Variants in EIPR1 observed in about 807,000 individuals in gnomAD.
EIPR1 encodes the protein EARP and GARP complex-interacting protein 1.
EIPR1 carries 25 observed loss-of-function variants against 48.1 expected under a neutral mutation model. The observed-to-expected ratio is 0.52, with a 90% CI of 0.38 to 0.73. The LOEUF is 0.73. EIPR1 is among the 30% of genes least tolerant of loss of function. The probability of loss-of-function intolerance (pLI) is 0.00; values close to 1 mark genes in which losing one functional copy is unlikely to be tolerated. For synonymous variants in EIPR1, 204 were observed against 201.9 expected (o/e 1.01, Z -0.09); for missense variants, 415 against 506.2 (o/e 0.82, Z 1.73).
intron 3 of EIPR1, chr2:3,319,378 A>G (rs1042460506): frequency 7.7e-5 from 14 of 181,830 alleles, no homozygotes; most frequent in Non-Finnish European, 1.3e-4. Flanking sequence ...GATCATTCCC[A>G]GAAAGCGCCG....
intron 1 of EIPR1, among the ~76,000 whole-genome samples, chr2:3,371,247 A>G (rs1428139462): frequency 6.6e-6 from 1 of 152,234 alleles, no homozygotes; most frequent in Non-Finnish European, 1.5e-5. Flanking sequence ...AGCACTAAAC[A>G]TGGAAAGGCA....
At chr2:3,243,210 G>C (rs1057204786) in intron 4 of EIPR1, among the ~76,000 whole-genome samples, 1 of 152,180 alleles carries the variant, frequency 6.6e-6, no homozygotes, top group African/African-American at 2.4e-5. Flanking sequence ...TGCACATGAG[G>C]GGAATGGCTT....
chr2:3,307,796 G>T (rs922917026), intron 3 of EIPR1, among the ~76,000 whole-genome samples: 9 of 152,168 alleles, frequency 5.9e-5, no homozygotes, highest in Non-Finnish European at 1.2e-4. Context: ...GAAAATTAGA[G>T]TTAACAAAAC....
chr2:3,194,376 T>G, intron 6 of EIPR1: 1 of 487,564 alleles, frequency 2.1e-6, no homozygotes, highest in Non-Finnish European at 3.6e-6. Flanking sequence ...CGCTCATCTC[T>G]CCAGAAGCGT....
rs1399172455 is a variant in EIPR1, at chr2:3,336,961, G to GGAAGGGAAGGGAAGA, written c.259+1055_259+1056insTCTTCCCTTCCCTTC. ...AAGGGAAGGGAAGGGAAGAGAAAAG[G>GGAAGGGAAGGGAAGA]GAAAGGAAGGGAAAAGGGAAGGGAA... On this transcript the variant is annotated intron_variant, in intron 3 of 8. Coordinates refer to ENST00000382125, the MANE Select transcript of EIPR1 (RefSeq NM_003310.5). 4.7e-4 allele frequency among the ~76,000 whole-genome samples: 64 copies of GGAAGGGAAGGGAAGA among 135,088 alleles called. 1 individual carries two copies. Among genetic ancestry groups the GGAAGGGAAGGGAAGA allele is most frequent in the African/African-American group, 1.8e-3 (61 of 34,378 alleles). The allele number at this position is 135,088 out of a possible 152,430, so 88.6% of individuals were successfully genotyped here. A position where few individuals can be genotyped will look rare whatever the true frequency, so the allele number is the denominator to read the frequency against.
chr2:3,236,635 T>C (rs1003749604), intron 4 of EIPR1, among the ~76,000 whole-genome samples: 3 of 152,216 alleles, frequency 2.0e-5, no homozygotes, highest in African/African-American at 7.2e-5. Flanking sequence ...AGCTTCACTG[T>C]AGGTGGCACC....
chr2:3,290,348 A>C (rs1668328883), intron 3 of EIPR1, among the ~76,000 whole-genome samples: 1 of 152,190 alleles, frequency 6.6e-6, no homozygotes, highest in African/African-American at 2.4e-5. Context: ...TTAAATACAA[A>C]AGAATACAAA....
intron 3 of EIPR1, among the ~76,000 whole-genome samples, chr2:3,260,606 T>C (rs1018872120): frequency 6.6e-6 from 1 of 151,972 alleles, no homozygotes; most frequent in African/African-American, 2.4e-5. Flanking sequence ...GGGGGAGATA[T>C]TTATAATACA....
At chr2:3,208,917 G>C in intron 5 of EIPR1, 1 of 1,544,826 alleles carries the variant, frequency 6.5e-7, no homozygotes, top group Non-Finnish European at 8.7e-7. Context: ...GGCACACACA[G>C]GGTCCGTGCA....
chr2:3,256,554 G>A (rs143258490), intron 4 of EIPR1, among the ~76,000 whole-genome samples: 3 of 152,324 alleles, frequency 2.0e-5, no homozygotes, highest in Non-Finnish European at 4.4e-5. Context: ...AGAAGTCACT[G>A]TACAAACGAT....
chr2:3,217,174 G>A (rs1665667613), intron 4 of EIPR1, among the ~76,000 whole-genome samples: 1 of 152,188 alleles, frequency 6.6e-6, no homozygotes, highest in African/African-American at 2.4e-5. Flanking sequence ...AATAGATTGG[G>A]GAGAAGGAAG....
intron 2 of EIPR1, among the ~76,000 whole-genome samples, chr2:3,341,577 G>C (rs1670250230): frequency 1.3e-5 from 2 of 151,828 alleles, no homozygotes; most frequent in South Asian, 4.2e-4. Flanking sequence ...TGAGGCAGGT[G>C]CAGGTGTGTA....
At chr2:3,299,243 C>T (rs1668689557) in intron 3 of EIPR1, among the ~76,000 whole-genome samples, 3 of 152,312 alleles carry the variant, frequency 2.0e-5, no homozygotes, top group East Asian at 1.9e-4. Flanking sequence ...GGACTGCCCC[C>T]TGTCCTGGAG....
intron 3 of EIPR1, among the ~76,000 whole-genome samples, chr2:3,310,222 A>T (rs1669080987): frequency 6.6e-6 from 1 of 152,198 alleles, no homozygotes; most frequent in African/African-American, 2.4e-5. Context: ...ACTACAGCAA[A>T]TAGCTATCCG....
chr2:3,318,802 C>T (rs1669398421), intron 3 of EIPR1: 1 of 466,136 alleles, frequency 2.1e-6, no homozygotes, highest in Non-Finnish European at 4.5e-6. Flanking sequence ...GATCGCCACA[C>T]ATGCACCCCA....
chr2:3,258,829 GA>G (rs955085513), intron 3 of EIPR1, among the ~76,000 whole-genome samples: 1 of 151,760 alleles, frequency 6.6e-6, no homozygotes. Context: ...ATGGCTTAAA[GA>G]AAAAAAACTC....
At chr2:3,231,659 AGC>A (rs1666247527) in intron 4 of EIPR1, among the ~76,000 whole-genome samples, 1 of 152,304 alleles carries the variant, frequency 6.6e-6, no homozygotes, top group Non-Finnish European at 1.5e-5. Context: ...GGTATATTGA[AGC>A]ATCCTTGCAT....
chr2:3,355,872 A>G (rs1553305344), intron 1 of EIPR1, among the ~76,000 whole-genome samples: 2 of 150,020 alleles, frequency 1.3e-5, no homozygotes, highest in Non-Finnish European at 3.0e-5. Context: ...CAGTCATACA[A>G]TAAAACAAAA....
chr2:3,266,119 G>A (rs891078391), intron 3 of EIPR1, among the ~76,000 whole-genome samples: 11 of 152,228 alleles, frequency 7.2e-5, no homozygotes, highest in African/African-American at 2.4e-4. Flanking sequence ...CCAGGCAAAA[G>A]GCTTACAGGA....
Sources: gnomAD v4.1 joint callset for allele counts (sites outside exome capture counted in the v4.1 genomes callset) on GRCh38, gnomAD v4.1.1 for gene constraint, MANE v1.5 for transcripts, NCBI Gene and HGNC (gene_info 2026-07-23, HGNC 2026-07-21) for gene names.